SLC35D2: variants seen among roughly 807,000 people sequenced by gnomAD.
SLC35D2 encodes nucleotide sugar transporter SLC35D2.
A neutral mutation model predicts 41.8 loss-of-function variants in SLC35D2; 43 were observed. The observed-to-expected ratio is 1.03, with a 90% CI of 0.81 to 1.33. The LOEUF is 1.33. SLC35D2 is among the 40% of genes most tolerant of loss of function. The pLI is 0.00. For synonymous variants in SLC35D2, 150 were observed against 163.9 expected (o/e 0.92, Z 0.65); for missense variants, 380 against 408.4 (o/e 0.93, Z 0.60).
chr9:96,361,312 G>C (rs930678173), intron 3 of SLC35D2, among the ~76,000 whole-genome samples: 1 of 152,146 alleles, frequency 6.6e-6, no homozygotes, highest in African/African-American at 2.4e-5. Flanking sequence ...TGTATTTGGA[G>C]ATGAGGTCTT....
At chr9:96,353,758 A>G (rs560659440) in intron 4 of SLC35D2, among the ~76,000 whole-genome samples, 2 of 152,310 alleles carry the variant, frequency 1.3e-5, no homozygotes, top group East Asian at 1.9e-4. Context: ...AGAACCTTCT[A>G]CCCACTCCTA....
At chr9:96,368,406 AAAATTTATC>A (rs1302829947) in intron 1 of SLC35D2, 101 bp from the exon 2 acceptor site, 1 of 922,658 alleles carries the variant, frequency 1.1e-6, no homozygotes, top group Non-Finnish European at 1.6e-6. Flanking sequence ...TGAGAAAATG[AAAATTTATC>A]AAATTGTTCA....
chr9:96,362,472 A>G (rs550374217), intron 3 of SLC35D2, among the ~76,000 whole-genome samples: 2 of 152,132 alleles, frequency 1.3e-5, no homozygotes. Context: ...GCACAATTGC[A>G]CTCCAGCCTG....
In SLC35D2 at chr9:96,324,070, TC is replaced by T. The variant is rs1564083681; in HGVS notation, c.831+20del. The T allele has an allele frequency of 6.2e-7, 1 of 1,601,932 alleles. No homozygotes were observed. On this transcript the variant is annotated intron_variant, in intron 10 of 11. Transcript: ENST00000253270. The stretch of plus-strand genomic sequence containing the variant: ...CCATTCCTTGACTCAGTTGTTCCCT[TC>T]CAAGTTTCCATCCACTCACCTTGAT...
At chr9:96,375,450 T>C (rs1263781968) in intron 1 of SLC35D2, among the ~76,000 whole-genome samples, 1 of 150,290 alleles carries the variant, frequency 6.7e-6, no homozygotes, top group Non-Finnish European at 1.5e-5. Context: ...TGGTGGCTCA[T>C]GCCTGTAATC....
At chr9:96,331,224 A>C (rs893086582) in intron 9 of SLC35D2, among the ~76,000 whole-genome samples, 1 of 152,188 alleles carries the variant, frequency 6.6e-6, no homozygotes, top group Non-Finnish European at 1.5e-5. Flanking sequence ...AGCTTATCTT[A>C]AACAGGTATG....
rs73536845 is a variant in SLC35D2 at position 96,349,407 on chromosome 9, G to A, written c.488+1696C>T. On this transcript the variant is annotated intron_variant, in intron 6 of 11. Transcript: ENST00000253270. Reference sequence around the variant, plus strand: ...CCATTCCCTGCCCTCCCCTGAAGAAGGATATAGAAGCACCTGCACCCCACT... The same window carrying A: ...CCATTCCCTGCCCTCCCCTGAAGAAAGATATAGAAGCACCTGCACCCCACT... Among the ~76,000 whole-genome samples, 338 of 152,250 alleles carry A rather than the reference G, an allele frequency of 2.2e-3. 1 individual carries two copies. The highest frequency in any genetic ancestry group is 7.6e-3 in the African/African-American group (316 of 41,540).
At chr9:96,318,594 GATAA>G (rs1377519844), downstream of SLC35D2, among the ~76,000 whole-genome samples, 1 of 152,002 alleles carries the variant, frequency 6.6e-6, no homozygotes, top group Non-Finnish European at 1.5e-5. Context: ...TATTTAAGAA[GATAA>G]ATAAATGGCC....
intron 11 of SLC35D2, among the ~76,000 whole-genome samples, 172 bp from the exon 12 acceptor site, chr9:96,321,513 A>G (rs1382625263): frequency 1.3e-5 from 2 of 152,202 alleles, no homozygotes. Context: ...CCTTATTTAC[A>G]AGCCTTTGGA....
chr9:96,355,776 G>A (rs1036745653), intron 4 of SLC35D2, among the ~76,000 whole-genome samples: 32 of 152,256 alleles, frequency 2.1e-4, no homozygotes, highest in African/African-American at 6.3e-4. Context: ...GATTACAGGC[G>A]TGAGCCACTG....
At chr9:96,382,358 G>C (rs1831228420) in intron 1 of SLC35D2, among the ~76,000 whole-genome samples, 1 of 151,882 alleles carries the variant, frequency 6.6e-6, no homozygotes, top group African/African-American at 2.4e-5. Flanking sequence ...GGAGGCTGCA[G>C]CAGAAGGATT....
At chr9:96,367,778 G>A (rs564451101) in intron 2 of SLC35D2, among the ~76,000 whole-genome samples, 7 of 148,422 alleles carry the variant, frequency 4.7e-5, no homozygotes, top group Middle Eastern at 3.4e-3. Flanking sequence ...ACAAAACTCC[G>A]TCTCAAAAAA....
rs566558601 is a variant in SLC35D2 at position 96,374,292 on chromosome 9, T to C, written c.159-5987A>G. Among the ~76,000 whole-genome samples the C allele has an allele frequency of 9.2e-5, 14 of 152,224 alleles. No individual in the cohort carries two copies. In the South Asian group the frequency reaches 2.7e-3, roughly 29 times the overall value. On this transcript the variant is annotated intron_variant, in intron 1 of 11. Coordinates refer to ENST00000253270, the MANE Select transcript of SLC35D2 (RefSeq NM_007001.3). The stretch of plus-strand genomic sequence containing the variant: ...ACGCACGGCCTGTAATCCCAGCACT[T>C]TGGGAGGCCAAGGCAGGCGAATCAC...
intron 8 of SLC35D2, among the ~76,000 whole-genome samples, chr9:96,341,734 C>T (rs943577237): frequency 5.9e-5 from 9 of 152,124 alleles, no homozygotes; most frequent in Non-Finnish European, 1.2e-4. Context: ...AAGTCAATGA[C>T]GTTGATGTAA....
chr9:96,353,937 C>G (rs1415819659), intron 4 of SLC35D2, among the ~76,000 whole-genome samples: 1 of 152,132 alleles, frequency 6.6e-6, no homozygotes, highest in Admixed American at 6.6e-5. Context: ...GGCAGCTCAG[C>G]CACCCATACC....
chr9:96,370,078 T>C (rs935385434), intron 1 of SLC35D2, among the ~76,000 whole-genome samples: 3 of 152,130 alleles, frequency 2.0e-5, no homozygotes, highest in Non-Finnish European at 2.9e-5. Flanking sequence ...GATAATAGCA[T>C]GTCCACTCCC....
intron 1 of SLC35D2, among the ~76,000 whole-genome samples, chr9:96,379,078 G>C (rs1288339548): frequency 6.6e-6 from 1 of 151,562 alleles, no homozygotes; most frequent in South Asian, 2.1e-4. Flanking sequence ...CGGATGGATT[G>C]CTTGAGCCCA....
Position 96,383,482 on chromosome 9 carries a change from G to C in SLC35D2, c.153C>G (p.Thr51=). ...IVLVNKALLT[T]YGFPSPIFLG... ...GGCCCCGGGCCCCGCCTCACCCGTA[G>C]GTGGTCAGCAGCGCCTTGTTGACAA... The change falls in exon 1 of 12, where the codon ACC becomes ACG. Residue 51 remains threonine, a synonymous_variant. Transcript: ENST00000253270. The C allele has an allele frequency of 6.5e-7, 1 of 1,536,692 alleles. No homozygotes were observed. The highest frequency in any genetic ancestry group is 2.6e-5 in the East Asian group (1 of 38,602).
intron 1 of SLC35D2, among the ~76,000 whole-genome samples, chr9:96,383,177 C>G (rs1354656273): frequency 1.3e-5 from 2 of 152,224 alleles, no homozygotes; most frequent in African/African-American, 4.8e-5. Context: ...ATTTGAATCC[C>G]TGTTTTCAGC....
Sources: allele counts gnomAD v4.1 joint callset (sites outside exome capture counted in the v4.1 genomes callset), GRCh38; gene constraint gnomAD v4.1.1; transcripts MANE v1.5; gene names NCBI Gene and HGNC (gene_info 2026-07-23, HGNC 2026-07-21).